ATP2B2: variants seen among roughly 807,000 people sequenced by gnomAD.
ATP2B2 encodes the protein plasma membrane calcium-transporting ATPase 2.
ATP2B2 carries 15 observed loss-of-function variants against 120.0 expected under a neutral mutation model. That is an observed-to-expected ratio of 0.12 (90% CI 0.08 to 0.19). The LOEUF (loss-of-function observed/expected upper bound fraction) is 0.19. ATP2B2 is among the 10% of genes least tolerant of loss of function. The probability of loss-of-function intolerance (pLI) is 1.00; values close to 1 mark genes in which losing one functional copy is unlikely to be tolerated. For missense variants in ATP2B2, 1,045 were observed against 1,719.8 expected (o/e 0.61, Z 6.94); for synonymous variants, 694 against 700.3 (o/e 0.99, Z 0.14).
At chr3:10,600,524 C>T (rs1446410948) in intron 2 of ATP2B2, among the ~76,000 whole-genome samples, 2 of 152,216 alleles carry the variant, frequency 1.3e-5, no homozygotes, top group Non-Finnish European at 2.9e-5. Context: ...CACCCAGGAA[C>T]CATGGGGTAA....
At chr3:10,585,662 G>GCCTCTGC (rs994323737) in intron 2 of ATP2B2, among the ~76,000 whole-genome samples, 36 of 151,838 alleles carry the variant, frequency 2.4e-4, no homozygotes, top group Non-Finnish European at 5.1e-4. Context: ...CCTGCTTGGG[G>GCCTCTGC]CCTCTGCACT....
At chr3:10,508,746 T>C (rs544059527), upstream of ATP2B2, among the ~76,000 whole-genome samples, 1 of 152,264 alleles carries the variant, frequency 6.6e-6, no homozygotes, top group South Asian at 2.1e-4. Flanking sequence ...GCAGAGGTGT[T>C]GTGAAATTAG....
chr3:10,438,344 G>C (rs894240582), intron 2 of ATP2B2, among the ~76,000 whole-genome samples: 1 of 152,184 alleles, frequency 6.6e-6, no homozygotes, highest in Non-Finnish European at 1.5e-5. Flanking sequence ...CTTTCCCAAG[G>C]GCTCACCCAA....
At chr3:10,699,774 C>T (rs1463078971) in intron 1 of ATP2B2, among the ~76,000 whole-genome samples, 2 of 152,080 alleles carry the variant, frequency 1.3e-5, no homozygotes, top group Non-Finnish European at 2.9e-5. Context: ...AGAGTGGGTT[C>T]ATTATGGTGA....
chr3:10,621,160 C>T (rs1251686213), intron 1 of ATP2B2, among the ~76,000 whole-genome samples: 3 of 152,186 alleles, frequency 2.0e-5, no homozygotes, highest in Admixed American at 6.5e-5. Flanking sequence ...CTGGAGCTTG[C>T]TGGGCCCTGA....
At position 10,349,906 on chromosome 3, in the gene ATP2B2, A is replaced by G. The variant is rs183213189; in HGVS notation, c.2404+206T>C. On this transcript the variant is annotated intron_variant, in intron 16 of 22. Transcript: ENST00000360273. ...CTTCCTAGGGGAGTTGGAGGCCCAC[A>G]GAGAAGACTTAGCCCCATCTCCTTC... is the stretch of plus-strand genomic sequence containing the variant. Among the ~76,000 whole-genome samples, 167 of 152,262 alleles carry G rather than the reference A, an allele frequency of 1.1e-3. 1 individual carries two copies. The highest frequency in any genetic ancestry group is 9.9e-3 in the Admixed American group (151 of 15,300).
intron 8 of ATP2B2, among the ~76,000 whole-genome samples, chr3:10,383,328 A>C (rs932781261): frequency 2.0e-5 from 3 of 152,126 alleles, no homozygotes; most frequent in Non-Finnish European, 4.4e-5. Flanking sequence ...TCAGCCTAGG[A>C]AACTCTATGT....
chr3:10,673,520 C>T (rs906466467), intron 1 of ATP2B2, among the ~76,000 whole-genome samples: 1 of 149,976 alleles, frequency 6.7e-6, no homozygotes, highest in Non-Finnish European at 1.5e-5. Context: ...GAGAGAGAGG[C>T]CAGGCATGGT....
In ATP2B2 at chr3:10,343,915, G is replaced by C. The variant is rs962271737; in HGVS notation, c.2704-950C>G. 1.3e-5 allele frequency among the ~76,000 whole-genome samples: 2 copies of C among 152,016 alleles called. No homozygotes were observed. The highest frequency in any genetic ancestry group is 2.9e-5 in the Non-Finnish European group (2 of 68,018). The stretch of plus-strand genomic sequence containing the variant: ...TTTAGTTACATCCGTCTAGTGGCCT[G>C]TGGAACACCTCCTCCAGGAAGCCCC... On this transcript the variant is annotated intron_variant, in intron 18 of 22. Transcript: ENST00000360273. The surrounding 1 kb of genome is among the most constrained non-coding windows in gnomAD (Gnocchi z 4.2).
At chr3:10,333,321 G>C (rs1009746381) in intron 22 of ATP2B2, among the ~76,000 whole-genome samples, 6 of 152,130 alleles carry the variant, frequency 3.9e-5, no homozygotes, top group African/African-American at 1.4e-4. Flanking sequence ...GGTGGGGTGC[G>C]GTGGGGGTGA....
chr3:10,450,404 G>T, intron 1 of ATP2B2, among the ~76,000 whole-genome samples: 1 of 151,676 alleles, frequency 6.6e-6, no homozygotes, highest in Middle Eastern at 3.4e-3. Flanking sequence ...CCAAATACAC[G>T]GTTCCCAGGT....
Position 10,328,981 on chromosome 3 carries a change from C to A in ATP2B2, c.3565G>T (p.Asp1189Tyr), listed in dbSNP as rs776766476. ...TTGAGCGCGGCATCTTCTTCCAGGT[C>A]GGTGTCATCAATGAGGGGGATGTGG... is the stretch of plus-strand genomic sequence containing the variant. ...QPHIPLIDDT[D>Y]LEEDAALKQN... The change falls in exon 23 of 23, where the codon GAC (aspartate) becomes TAC (tyrosine). Residue 1189 changes from aspartate (D) to tyrosine (Y), a missense_variant. Transcript: ENST00000360273. The A allele has an allele frequency of 6.2e-7, 1 of 1,613,694 alleles. No homozygotes were observed. The highest frequency in any genetic ancestry group is 8.5e-7 in the Non-Finnish European group (1 of 1,179,976).
intron 1 of ATP2B2, among the ~76,000 whole-genome samples, chr3:10,477,082 C>A (rs528119883): frequency 6.6e-6 from 1 of 152,210 alleles, no homozygotes; most frequent in Non-Finnish European, 1.5e-5. Flanking sequence ...AAATAAGGAG[C>A]CTAATGTGTG....
chr3:10,347,882 T>A lies in ATP2B2; in HGVS notation c.2405-1745A>T, dbSNP rs1331471544. Among the ~76,000 whole-genome samples the A allele has an allele frequency of 6.6e-6, 1 of 152,144 alleles. No homozygotes were observed. Among genetic ancestry groups the A allele is most frequent in the Non-Finnish European group, 1.5e-5 (1 of 68,022 alleles). On this transcript the variant is annotated intron_variant, in intron 16 of 22. Transcript: ENST00000360273. The surrounding 1 kb of genome is among the most constrained non-coding windows in gnomAD (Gnocchi z 5.2). ...CTGTGGCTGCTTCCTATGGTCACAT[T>A]TCTGTTCTGTCCCCGCAGACCTCTC...
intron 2 of ATP2B2, among the ~76,000 whole-genome samples, chr3:10,432,713 G>C (rs990637987): frequency 6.6e-6 from 1 of 152,256 alleles, no homozygotes; most frequent in African/African-American, 2.4e-5. Context: ...CACTAGCTTA[G>C]ATCATAGCCC....
intron 2 of ATP2B2, among the ~76,000 whole-genome samples, chr3:10,423,284 C>T (rs1220929516): frequency 2.6e-5 from 4 of 152,216 alleles, no homozygotes; most frequent in Non-Finnish European, 2.9e-5. Flanking sequence ...CCTCCACATC[C>T]GGTGGCCAGC....
chr3:10,634,605 T>C (rs774869899), intron 1 of ATP2B2, among the ~76,000 whole-genome samples: 9 of 152,068 alleles, frequency 5.9e-5, no homozygotes, highest in Non-Finnish European at 1.0e-4. Flanking sequence ...ATACAGAAAA[T>C]ATAAACCACA....
chr3:10,572,073 C>T (rs1216330165), intron 2 of ATP2B2, among the ~76,000 whole-genome samples: 1 of 152,150 alleles, frequency 6.6e-6, no homozygotes, highest in Non-Finnish European at 1.5e-5. Flanking sequence ...TGTGGGTTTC[C>T]ACCTGCCCCC....
chr3:10,481,496 A>G (rs1396488100), intron 1 of ATP2B2, among the ~76,000 whole-genome samples: 1 of 152,010 alleles, frequency 6.6e-6, no homozygotes, highest in Non-Finnish European at 1.5e-5. Context: ...ATCAAAAATA[A>G]GATGCCTTGT....
Sources: gnomAD v4.1 joint callset for allele counts (sites outside exome capture counted in the v4.1 genomes callset) on GRCh38, gnomAD v4.1.1 for gene constraint, Gnocchi (gnomAD v3.1) non-coding constraint, MANE v1.5 for transcripts, NCBI Gene and HGNC (gene_info 2026-07-23, HGNC 2026-07-21) for gene names.